The following ANKRD11 variants were observed in gnomAD, a reference collection of about 807,000 sequenced individuals.
ANKRD11 encodes the protein ankyrin repeat domain-containing protein 11.
ANKRD11 carries 17 observed loss-of-function variants against 195.7 expected under a neutral mutation model. That is an observed-to-expected ratio of 0.09 (90% confidence interval 0.06 to 0.13). ANKRD11 has a LOEUF of 0.13. Among genes scored for constraint, ANKRD11 ranks in the 10% least tolerant of loss-of-function variants. ANKRD11 has a pLI of 1.00. For missense variants in ANKRD11, 3,735 were observed against 3,566.1 expected (o/e 1.05, Z -1.21); for synonymous variants, 1,953 against 1,528.1 (o/e 1.28, Z -6.49).
chr16:89,475,341 C>G (rs945498492), intron 1 of ANKRD11, among the ~76,000 whole-genome samples: 2 of 152,158 alleles, frequency 1.3e-5, no homozygotes, highest in Non-Finnish European at 2.9e-5. Flanking sequence ...TTCCATTCCC[C>G]TCCCTCATCA....
At chr16:89,463,153 A>G (rs1444028613) in intron 1 of ANKRD11, among the ~76,000 whole-genome samples, 1 of 150,848 alleles carries the variant, frequency 6.6e-6, no homozygotes, top group Non-Finnish European at 1.5e-5. Context: ...CTGCCCGGCC[A>G]CCACCCCGTC....
rs1230655737 is a variant in ANKRD11 at position 89,280,511 on chromosome 16, A to C, written c.6031T>G (p.Ser2011Ala). 1.9e-6 allele frequency: 3 copies of C among 1,607,538 alleles called. No individual in the cohort carries two copies. The highest frequency in any genetic ancestry group is 2.5e-6 in the Non-Finnish European group (3 of 1,177,638). ...GGAGGGGCGGGGTACGGCGCCTCCG[A>C]GGCGCTGAAGGGCCCTGGGGCGGCA... ...HSAAPGPFSASEAPYPAPPAS... is the reference protein window; with the variant it reads ...HSAAPGPFSAAEAPYPAPPAS... The change falls in exon 9 of 13, where the codon TCG becomes GCG. Residue 2011 changes from serine to alanine, a missense_variant. Ser to Ala is a moderately conservative substitution (Grantham distance 99). Transcript: ENST00000301030.
At chr16:89,482,310 T>C (rs1412960010) in intron 1 of ANKRD11, among the ~76,000 whole-genome samples, 1 of 152,202 alleles carries the variant, frequency 6.6e-6, no homozygotes, top group East Asian at 1.9e-4. Context: ...AACATGCCAA[T>C]GTGTGAACGG....
chr16:89,424,261 G>C (rs1462033243), intron 1 of ANKRD11, among the ~76,000 whole-genome samples: 2 of 152,092 alleles, frequency 1.3e-5, no homozygotes, highest in African/African-American at 4.8e-5. Flanking sequence ...GGCCAACATG[G>C]AGAAACCCCG....
chr16:89,387,644 G>T (rs2040976888), intron 2 of ANKRD11, among the ~76,000 whole-genome samples: 3 of 146,522 alleles, frequency 2.0e-5, no homozygotes. Flanking sequence ...CTGCACTCTA[G>T]CCTGGGCGAC....
chr16:89,296,477 C>T (rs1023071944), intron 4 of ANKRD11, among the ~76,000 whole-genome samples: 3 of 152,210 alleles, frequency 2.0e-5, no homozygotes, highest in African/African-American at 7.2e-5. Flanking sequence ...CCAATACTTT[C>T]TTATGTTGTG....
intron 2 of ANKRD11, among the ~76,000 whole-genome samples, chr16:89,338,945 A>C (rs2038520405): frequency 6.6e-6 from 1 of 152,294 alleles, no homozygotes; most frequent in Middle Eastern, 3.4e-3. Flanking sequence ...TAAACCCATA[A>C]TGAAAGCACA....
chr16:89,461,038 A>G (rs2056641243), intron 1 of ANKRD11, among the ~76,000 whole-genome samples: 1 of 137,106 alleles, frequency 7.3e-6, no homozygotes, highest in Non-Finnish European at 1.6e-5. Flanking sequence ...CAAATATCGT[A>G]TGACCACCCC....
intron 1 of ANKRD11, among the ~76,000 whole-genome samples, chr16:89,464,726 T>C (rs969304394): frequency 6.6e-6 from 1 of 151,616 alleles, no homozygotes; most frequent in African/African-American, 2.4e-5. Flanking sequence ...GCACCTAAAT[T>C]AACAGAAAGT....
intron 7 of ANKRD11, chr16:89,288,059 C>T: frequency 1.8e-6 from 1 of 560,538 alleles, no homozygotes; most frequent in South Asian, 2.5e-5. Flanking sequence ...CTCTCAGTGC[C>T]CACTGCTCCT....
At chr16:89,443,697 A>T (rs941592062) in intron 1 of ANKRD11, among the ~76,000 whole-genome samples, 2 of 152,224 alleles carry the variant, frequency 1.3e-5, no homozygotes, top group Non-Finnish European at 2.9e-5. Flanking sequence ...AGAGAAATGC[A>T]ATTCTTAAGA....
intron 2 of ANKRD11, among the ~76,000 whole-genome samples, chr16:89,334,834 G>A (rs1183126824): frequency 6.6e-6 from 1 of 152,086 alleles, no homozygotes; most frequent in Non-Finnish European, 1.5e-5. Flanking sequence ...ACAACACACG[G>A]GGCGCACGTG....
intron 1 of ANKRD11, among the ~76,000 whole-genome samples, chr16:89,447,987 T>C (rs559433516): frequency 6.6e-6 from 1 of 151,726 alleles, no homozygotes; most frequent in Non-Finnish European, 1.5e-5. Context: ...GTATTTTTAG[T>C]AGAGACAGGG....
intron 1 of ANKRD11, among the ~76,000 whole-genome samples, chr16:89,462,192 G>A (rs937158605): frequency 1.2e-4 from 19 of 152,268 alleles, no homozygotes; most frequent in African/African-American, 4.3e-4. Context: ...TGATTCTCCT[G>A]ACTCAGCCTG....
At chr16:89,342,151 G>C (rs931561664) in intron 2 of ANKRD11, among the ~76,000 whole-genome samples, 5 of 152,226 alleles carry the variant, frequency 3.3e-5, no homozygotes, top group African/African-American at 1.2e-4. Flanking sequence ...GGCCCTTCTA[G>C]ATCTTGGCGT....
chr16:89,484,210 GTTT>G, intron 1 of ANKRD11, among the ~76,000 whole-genome samples: 1 of 152,202 alleles, frequency 6.6e-6, no homozygotes, highest in Admixed American at 6.5e-5. Context: ...GTGCTCTGGG[GTTT>G]TTTTGGTTTT....
Position 89,482,454 on chromosome 16 carries a change from G to C in ANKRD11, c.-145+7791C>G, listed in dbSNP as rs191138159. ...ACAACTAAATGCAATGTGGGATCCC[G>C]GATGGCATCTGAGGACAGCAAGGGA... On this transcript the variant is annotated intron_variant, in intron 1 of 12. Coordinates refer to ENST00000301030, the MANE Select transcript of ANKRD11 (RefSeq NM_013275.6). Among the ~76,000 whole-genome samples the C allele has an allele frequency of 2.0e-5, 3 of 152,182 alleles. No homozygotes were observed. In the East Asian group the frequency reaches 5.8e-4, roughly 29 times the overall value.
Position 89,281,757 on chromosome 16 carries a change from C to T in ANKRD11, c.4785G>A (p.Glu1595=). The change falls in exon 9 of 13, where the codon GAG becomes GAA. Residue 1595 remains glutamate (E), a synonymous_variant. Coordinates refer to ENST00000301030, the MANE Select transcript of ANKRD11 (RefSeq NM_013275.6). This position sits in a 1 kb window ranked among gnomAD's most constrained non-coding sequence, Gnocchi z 5.5. ...RMLSQKDLEI[E]ERHKRHKERM... is the part of the protein sequence containing the mutation. The stretch of plus-strand genomic sequence containing the variant: ...TCTCCTTGTGCCGCTTGTGGCGCTC[C>T]TCGATCTCCAGGTCCTTCTGGGACA... The T allele has an allele frequency of 1.2e-6, 2 of 1,614,100 alleles. No individual in the cohort carries two copies. Among genetic ancestry groups the T allele is most frequent in the Non-Finnish European group, 1.7e-6 (2 of 1,180,020 alleles).
chr16:89,377,456 G>A (rs2040471326), intron 2 of ANKRD11, among the ~76,000 whole-genome samples: 1 of 151,754 alleles, frequency 6.6e-6, no homozygotes, highest in Non-Finnish European at 1.5e-5. Flanking sequence ...ATCATGAAGA[G>A]ACTGCGGACA....
Sources: gnomAD v4.1 joint callset for allele counts (sites outside exome capture counted in the v4.1 genomes callset) on GRCh38, gnomAD v4.1.1 for gene constraint, Gnocchi (gnomAD v3.1) non-coding constraint, MANE v1.5 for transcripts, NCBI Gene and HGNC (gene_info 2026-07-23, HGNC 2026-07-21) for gene names.